The following HIP1 variants were observed in gnomAD, a reference collection of about 807,000 sequenced individuals.
The protein encoded by HIP1 is huntingtin-interacting protein 1.
Under a neutral mutation model 147.6 loss-of-function variants are expected in HIP1, and 65 were observed. The ratio of observed to expected loss-of-function variants is 0.44; its 90% confidence interval spans 0.36 to 0.54. HIP1 has a LOEUF of 0.54. HIP1 is among the 20% of genes least tolerant of loss of function. The pLI, the probability that HIP1 is intolerant of heterozygous loss-of-function variation, is 0.00. For missense variants in HIP1, 1,061 were observed against 1,299.6 expected, an observed-to-expected ratio of 0.82 and a Z score of 2.82; for synonymous variants, 479 against 504.0, an observed-to-expected ratio of 0.95 and a Z score of 0.67.
At chr7:75,728,746 T>C (rs1476307693) in intron 1 of HIP1, among the ~76,000 whole-genome samples, 3 of 132,882 alleles carry the variant, frequency 2.3e-5, no homozygotes, top group Non-Finnish European at 3.1e-5. Context: ...AGAGATGGGG[T>C]CTCTGCACTC....
chr7:75,682,018 C>CTTTTTTTTT (rs71098063), intron 1 of HIP1, among the ~76,000 whole-genome samples: 1 of 84,214 alleles, frequency 1.2e-5, no homozygotes, highest in East Asian at 3.4e-4. Flanking sequence ...GCAACAACCT[C>CTTTTTTTTT]TTTTTTTTTT....
At position 75,568,133 on chromosome 7, in the gene HIP1, TGCATG is replaced by T. The variant is rs2116867051; in HGVS notation, c.803+61_803+65del. The T allele has an allele frequency of 8.5e-7, 1 of 1,171,108 alleles. No homozygotes were observed. Among genetic ancestry groups the T allele is most frequent in the East Asian group, 2.3e-5 (1 of 42,840 alleles). The allele number at this position is 1,171,108 out of a possible 1,614,324, so 72.5% of individuals were successfully genotyped here. ...GTCCAGCCACCTCTCACAGTGCACT[TGCATG>T]GCTTAATGATTTTATAGCGCTCTTG... On this transcript the variant is annotated intron_variant, in intron 9 of 30. Coordinates refer to ENST00000336926, the MANE Select transcript of HIP1 (RefSeq NM_005338.7). The surrounding 1 kb of genome is among the most constrained non-coding windows in gnomAD (Gnocchi z 4.1).
chr7:75,604,686 A>G (rs1327117521), intron 1 of HIP1, among the ~76,000 whole-genome samples: 1 of 141,890 alleles, frequency 7.0e-6, no homozygotes, highest in Non-Finnish European at 1.5e-5. Flanking sequence ...GGAAGAAGGA[A>G]GGAAGGAAGG....
At chr7:75,608,765 T>C (rs781811789) in intron 1 of HIP1, among the ~76,000 whole-genome samples, 4 of 152,182 alleles carry the variant, frequency 2.6e-5, no homozygotes, top group Non-Finnish European at 5.9e-5. Context: ...CTCTGGGTTA[T>C]TGTGAAAAAG....
Position 75,562,991 on chromosome 7 carries a change from C to G in HIP1, c.964G>C (p.Asp322His). 1.2e-6 allele frequency: 2 copies of G among 1,614,160 alleles called. No homozygotes were observed. Among genetic ancestry groups the G allele is most frequent in the Non-Finnish European group, 1.7e-6 (2 of 1,180,034 alleles). The part of the protein sequence containing the change: ...VVIPAEASSP[D>H]SEPVLEKDDL... ...TCCTTCTCTAGGACTGGCTCGCTGTCGGGGGATGAGGCCTCTGCAGGGATC... is the reference window on the plus strand; with the variant it reads ...TCCTTCTCTAGGACTGGCTCGCTGTGGGGGGATGAGGCCTCTGCAGGGATC... Residue 322 changes from aspartate (D) to histidine (H), a missense_variant, in exon 11 of 31, where the codon GAC becomes CAC. Coordinates refer to ENST00000336926, the MANE Select transcript of HIP1 (RefSeq NM_005338.7).
chr7:75,636,413 G>C (rs587676650), intron 1 of HIP1, among the ~76,000 whole-genome samples: 6 of 152,058 alleles, frequency 3.9e-5, no homozygotes, highest in Admixed American at 3.9e-4. Context: ...CTCACTCTGC[G>C]TAAGCAGGAG....
chr7:75,599,125 A>C, intron 2 of HIP1, 59 bp downstream of exon 2: 1 of 1,304,600 alleles, frequency 7.7e-7, no homozygotes, highest in Middle Eastern at 1.8e-4. Flanking sequence ...CCCTGACCTC[A>C]GTCCCCATGA....
At chr7:75,647,246 A>AAAAAAAAAAAC (rs1554511245) in intron 1 of HIP1, among the ~76,000 whole-genome samples, 1 of 143,690 alleles carries the variant, frequency 7.0e-6, no homozygotes, top group Non-Finnish European at 1.5e-5. Flanking sequence ...AAAAAAAAAA[A>AAAAAAAAAAAC]AATTAGCCAG....
At position 75,559,924 on chromosome 7, in the gene HIP1, G is replaced by A; in HGVS notation, c.1192-9C>T. ...AGCACAACCCGCTGGCTCTGTGGGG[G>A]GACTCCGGTCATGAGGCCAACCGCC... On this transcript the variant is annotated splice_polypyrimidine_tract_variant and intron_variant, in intron 13 of 30. Transcript: ENST00000336926. The A allele has an allele frequency of 6.3e-7, 1 of 1,588,650 alleles. No individual in the cohort carries two copies. Among genetic ancestry groups the A allele is most frequent in the Non-Finnish European group, 8.5e-7 (1 of 1,170,038 alleles).
At chr7:75,635,577 C>CAAAAAAA (rs144914669) in intron 1 of HIP1, among the ~76,000 whole-genome samples, 4 of 69,798 alleles carry the variant, frequency 5.7e-5, no homozygotes, top group Non-Finnish European at 5.2e-5. Flanking sequence ...GACTCCATCT[C>CAAAAAAA]AAAAAAAAAA....
intron 1 of HIP1, among the ~76,000 whole-genome samples, chr7:75,601,836 T>C (rs1005142381): frequency 2.6e-5 from 4 of 152,002 alleles, no homozygotes; most frequent in African/African-American, 7.2e-5. Context: ...ATAGGATATA[T>C]GTTTGGCCAC....
intron 1 of HIP1, among the ~76,000 whole-genome samples, chr7:75,704,233 T>C (rs2117333842): frequency 6.6e-6 from 1 of 152,202 alleles, no homozygotes; most frequent in South Asian, 2.1e-4. Context: ...TTTATTTTAT[T>C]TTGTTTTATT....
At chr7:75,598,994 C>A (rs1212653255) in intron 2 of HIP1, among the ~76,000 whole-genome samples, 190 bp downstream of exon 2, 4 of 152,138 alleles carry the variant, frequency 2.6e-5, no homozygotes, top group African/African-American at 9.7e-5. Flanking sequence ...TTGGTGTCTG[C>A]CACCCTGAAG....
intron 1 of HIP1, among the ~76,000 whole-genome samples, chr7:75,703,702 T>C (rs531636814): frequency 1.2e-4 from 18 of 151,952 alleles, no homozygotes; most frequent in Middle Eastern, 3.4e-3. Context: ...CAGAAGGCCA[T>C]ACTATTCATC....
chr7:75,677,443 T>C (rs1799930694), intron 1 of HIP1, among the ~76,000 whole-genome samples: 1 of 149,144 alleles, frequency 6.7e-6, no homozygotes. Context: ...CGTCTCTGCT[T>C]GAAAATACAA....
At chr7:75,664,152 A>T (rs568130051) in intron 1 of HIP1, among the ~76,000 whole-genome samples, 10,157 of 42,640 alleles carry the variant, frequency 0.24, 2,741 homozygotes, top group Non-Finnish European at 0.3. Context: ...ACATACATGT[A>T]TGTGTGTATA....
intron 8 of HIP1, among the ~76,000 whole-genome samples, chr7:75,570,357 T>A (rs1795576379): frequency 2.0e-5 from 3 of 150,784 alleles, no homozygotes; most frequent in Non-Finnish European, 4.4e-5. Context: ...AGTGGCACGA[T>A]CTCGGCTCAC....
chr7:75,668,625 G>A (rs938776770), intron 1 of HIP1, among the ~76,000 whole-genome samples: 3 of 151,956 alleles, frequency 2.0e-5, no homozygotes, highest in South Asian at 2.1e-4. Flanking sequence ...ACCCCTGGCC[G>A]GGACTTCCCA....
At chr7:75,705,940 G>A (rs1800977713) in intron 1 of HIP1, among the ~76,000 whole-genome samples, 1 of 151,898 alleles carries the variant, frequency 6.6e-6, no homozygotes, top group Non-Finnish European at 1.5e-5. Flanking sequence ...TGCCTAGGCA[G>A]GAGTGCAGTG....
Sources: allele counts gnomAD v4.1 joint callset (sites outside exome capture counted in the v4.1 genomes callset), GRCh38; gene constraint gnomAD v4.1.1; non-coding constraint Gnocchi (gnomAD v3.1); transcripts MANE v1.5; gene names NCBI Gene and HGNC (gene_info 2026-07-23, HGNC 2026-07-21).